Variants in LRCH3 observed in about 807,000 individuals in gnomAD.
LRCH3 encodes the protein DISP complex protein LRCH3.
Under a neutral mutation model 104.5 loss-of-function variants are expected in LRCH3, and 68 were observed. The ratio of observed to expected loss-of-function variants is 0.65; its 90% confidence interval spans 0.54 to 0.80. The LOEUF (loss-of-function observed/expected upper bound fraction) is 0.80. Among genes scored for constraint, LRCH3 ranks in the 30% least tolerant of loss-of-function variants. The probability of loss-of-function intolerance (pLI) is 0.00; values close to 1 mark genes in which losing one functional copy is unlikely to be tolerated. For missense variants in LRCH3, 951 were observed against 953.9 expected (o/e 1.00, Z 0.04); for synonymous variants, 344 against 361.3 (o/e 0.95, Z 0.54).
intron 1 of LRCH3, among the ~76,000 whole-genome samples, chr3:197,803,683 T>A (rs190555093): frequency 6.6e-6 from 1 of 152,010 alleles, no homozygotes; most frequent in East Asian, 1.9e-4. Context: ...AAGAATTTGC[T>A]CCTTTACTCT....
chr3:197,866,825 A>C (rs1055710470), intron 17 of LRCH3, among the ~76,000 whole-genome samples: 1 of 151,828 alleles, frequency 6.6e-6, no homozygotes, highest in East Asian at 1.9e-4. Flanking sequence ...TCTGTCTCTT[A>C]AAACAAACAA....
intron 15 of LRCH3, among the ~76,000 whole-genome samples, chr3:197,864,300 C>CGCGA (rs933350688): frequency 6.8e-6 from 1 of 146,282 alleles, no homozygotes; most frequent in African/African-American, 2.6e-5. Flanking sequence ...GAGCGAGACT[C>CGCGA]CATCTCAAAA....
chr3:197,888,122 G>A lies in LRCH3; in HGVS notation c.*4456G>A, dbSNP rs184193845. ...TAATGATGTGTGACTATGCGAATGA[G>A]TTTGATGAATTCGTAAAAACTAAGC... On this transcript the variant is annotated 3_prime_UTR_variant, in exon 21 of 21. Coordinates refer to ENST00000425562, the MANE Select transcript of LRCH3 (RefSeq NM_001365715.1). 6.6e-6 allele frequency: 1 copy of A among 152,332 alleles called. No individual in the cohort carries two copies. The highest frequency in any genetic ancestry group is 1.9e-4 in the East Asian group (1 of 5,188). 9.4% of individuals were successfully genotyped at this position (152,332 alleles called of 1,614,324 possible).
chr3:197,826,260 T>G (rs1445451146), intron 4 of LRCH3, among the ~76,000 whole-genome samples: 1 of 152,198 alleles, frequency 6.6e-6, no homozygotes, highest in Non-Finnish European at 1.5e-5. Flanking sequence ...GAAGCTCCAT[T>G]TCTTCTTCGT....
intron 18 of LRCH3, 49 bp from the exon 19 acceptor site, chr3:197,871,276 A>C (rs746122136): frequency 8.9e-5 from 116 of 1,310,226 alleles, no homozygotes; most frequent in Non-Finnish European, 1.1e-4. Flanking sequence ...TATGTCCTAT[A>C]TGTCAGTCTT....
intron 18 of LRCH3, 96 bp downstream of exon 18, chr3:197,870,374 AT>A (rs34243850): frequency 0.02 from 21,770 of 1,090,608 alleles, 371 homozygotes; most frequent in African/African-American, 0.11. Flanking sequence ...ATTTTTATTT[AT>A]TTTTTTTTTA....
intron 2 of LRCH3, among the ~76,000 whole-genome samples, chr3:197,816,714 T>A (rs1733845002): frequency 2.0e-5 from 3 of 152,218 alleles, no homozygotes; most frequent in African/African-American, 7.2e-5. Context: ...CAGAGCTACA[T>A]TTTCACCATT....
Position 197,817,200 on chromosome 3 carries a change from G to A in LRCH3, c.432G>A (p.Pro144=), listed in dbSNP as rs746387277. The A allele has an allele frequency of 2.4e-5, 39 of 1,600,548 alleles. No individual in the cohort carries two copies. Among genetic ancestry groups the A allele is most frequent in the Middle Eastern group, 1.7e-4 (1 of 6,046 alleles). Residue 144 remains proline, a synonymous_variant, in exon 3 of 21, where the codon CCG becomes CCA. Coordinates refer to ENST00000425562, the MANE Select transcript of LRCH3 (RefSeq NM_001365715.1). ...NISRNQLSTL[P]VHLCNLPLKV... is the part of the protein sequence containing the mutation. ...GTCGGAACCAACTGTCAACATTGCC[G>A]GTACACTTGTGTAATTTGCCATTGA...
At chr3:197,853,141 G>C (rs1739842880) in intron 13 of LRCH3, among the ~76,000 whole-genome samples, 1 of 151,948 alleles carries the variant, frequency 6.6e-6, no homozygotes. Flanking sequence ...CTTGTAGTTG[G>C]CTTTCTCATT....
intron 1 of LRCH3, among the ~76,000 whole-genome samples, chr3:197,804,447 T>A (rs1732247703): frequency 2.0e-5 from 3 of 151,996 alleles, no homozygotes; most frequent in Admixed American, 2.0e-4. Context: ...TAAGTTATAC[T>A]GGAAAATAAA....
intron 8 of LRCH3, 131 bp from the exon 9 acceptor site, chr3:197,835,543 T>A: frequency 1.4e-5 from 14 of 999,164 alleles, no homozygotes; most frequent in Non-Finnish European, 1.9e-5. Flanking sequence ...AAAGTTTTTA[T>A]CATCCCTCCC....
chr3:197,866,877 C>T (rs994557263), intron 17 of LRCH3, among the ~76,000 whole-genome samples: 2 of 151,854 alleles, frequency 1.3e-5, no homozygotes, highest in Non-Finnish European at 1.5e-5. Context: ...TGGTGGCTCA[C>T]GCCTGTGATC....
Position 197,858,895 on chromosome 3 carries a change from C to G in LRCH3, c.1706C>G (p.Thr569Arg). ...ACCCTGCCTCATTCTTCTGCCTTCA[C>G]GCCTCTTAAGGTATCTCTTGTTATT... ...AATLPHSSAF[T>R]PLKSDDRPNA... The change falls in exon 15 of 21, where the codon ACG becomes AGG. Residue 569 changes from threonine (T) to arginine (R), a missense_variant. Coordinates refer to ENST00000425562, the MANE Select transcript of LRCH3 (RefSeq NM_001365715.1). The G allele has an allele frequency of 6.2e-7, 1 of 1,612,978 alleles. No homozygotes were observed. The highest frequency in any genetic ancestry group is 8.5e-7 in the Non-Finnish European group (1 of 1,178,964).
At chr3:197,858,682 T>C in intron 14 of LRCH3, 152 bp from the exon 15 acceptor site, 2 of 676,842 alleles carry the variant, frequency 3.0e-6, no homozygotes, top group Non-Finnish European at 5.3e-6. Context: ...CCCCCAAATA[T>C]TCTCTTCCTG....
chr3:197,842,336 A>C (rs73892122), intron 10 of LRCH3, among the ~76,000 whole-genome samples: 39,286 of 152,018 alleles, frequency 0.26, 6,170 homozygotes, highest in African/African-American at 0.46. Context: ...AAATTCCCGC[A>C]CTCCTGGAGC....
intron 12 of LRCH3, chr3:197,850,431 A>G: frequency 7.0e-7 from 1 of 1,425,432 alleles, no homozygotes; most frequent in East Asian, 2.6e-5. Flanking sequence ...TTGTTTCTTC[A>G]GTTTCTTCTG....
chr3:197,791,366 T>G lies in LRCH3; in HGVS notation c.88T>G (p.Cys30Gly), dbSNP rs1338662410. The G allele has an allele frequency of 6.2e-7, 1 of 1,603,122 alleles. No individual in the cohort carries two copies. Among genetic ancestry groups the G allele is most frequent in the South Asian group, 1.1e-5 (1 of 89,304 alleles). The stretch of plus-strand genomic sequence containing the variant: ...GGGAGGTAACCTCCCTGGTGTTCAC[T>G]GCGGCCCAAGCTCCGGGGCAGGCCC... ...ASGGNLPGVHCGPSSGAGPGF... is the reference protein window; with the variant it reads ...ASGGNLPGVHGGPSSGAGPGF... Residue 30 changes from cysteine (C) to glycine (G), a missense_variant, in exon 1 of 21, where the codon TGC becomes GGC. Transcript: ENST00000425562.
intron 17 of LRCH3, 131 bp from the exon 18 acceptor site, chr3:197,870,029 G>A (rs1303009467): frequency 1.2e-6 from 1 of 854,154 alleles, no homozygotes; most frequent in Non-Finnish European, 1.8e-6. Context: ...GAGGTAGAAA[G>A]CGATGCACTG....
intron 15 of LRCH3, among the ~76,000 whole-genome samples, chr3:197,861,744 C>G (rs1350439375): frequency 6.6e-6 from 1 of 150,710 alleles, no homozygotes. Flanking sequence ...TTTTTTCTTT[C>G]CATTGCCTCA....
Sources: gnomAD v4.1 joint callset for allele counts (sites outside exome capture counted in the v4.1 genomes callset) on GRCh38, gnomAD v4.1.1 for gene constraint, MANE v1.5 for transcripts, NCBI Gene and HGNC (gene_info 2026-07-23, HGNC 2026-07-21) for gene names.